The following NELL2 variants were observed in gnomAD, a reference collection of about 807,000 sequenced individuals.
NELL2 encodes protein kinase C-binding protein NELL2.
In NELL2, 41 loss-of-function variants were observed where a neutral mutation model predicts 109.6. The observed-to-expected ratio is 0.37, with a 90% CI of 0.29 to 0.49. The LOEUF is 0.49. NELL2 is among the 20% of genes least tolerant of loss of function. The probability of loss-of-function intolerance (pLI) is 0.98; values close to 1 mark genes in which losing one functional copy is unlikely to be tolerated. For synonymous variants in NELL2, 355 were observed against 344.7 expected, an observed-to-expected ratio of 1.03 and a Z score of -0.33; for missense variants, 900 against 1,008.3, an observed-to-expected ratio of 0.89 and a Z score of 1.45.
At chr12:44,803,543 TGTTATG>T (rs1211138005) in intron 3 of NELL2, among the ~76,000 whole-genome samples, 2 of 152,136 alleles carry the variant, frequency 1.3e-5, no homozygotes, top group African/African-American at 4.8e-5. Flanking sequence ...TTCGGGAATC[TGTTATG>T]GTGAAGTTCT....
intron 15 of NELL2, among the ~76,000 whole-genome samples, chr12:44,590,453 C>T (rs1944703519): frequency 6.6e-6 from 1 of 152,098 alleles, no homozygotes; most frequent in Non-Finnish European, 1.5e-5. Flanking sequence ...TTATATCCTG[C>T]TGAAGGTAAT....
upstream of NELL2, among the ~76,000 whole-genome samples, chr12:44,879,142 C>T (rs1375222476): frequency 1.3e-5 from 2 of 151,992 alleles, no homozygotes; most frequent in Non-Finnish European, 2.9e-5. Context: ...TATAGAAGGG[C>T]TATGAGACAA....
At chr12:44,530,296 T>C (rs1358898400) in intron 16 of NELL2, among the ~76,000 whole-genome samples, 1 of 151,932 alleles carries the variant, frequency 6.6e-6, no homozygotes, top group Admixed American at 6.6e-5. Context: ...TGACAGAGAA[T>C]AAAAAGAAAG....
chr12:44,796,564 G>A (rs1026335322), intron 3 of NELL2, among the ~76,000 whole-genome samples: 7 of 151,830 alleles, frequency 4.6e-5, no homozygotes, highest in South Asian at 2.1e-4. Context: ...CAATAAACAA[G>A]GCCAAACAAC....
chr12:44,599,042 T>C (rs10880655), intron 15 of NELL2, among the ~76,000 whole-genome samples: 95,463 of 151,982 alleles, frequency 0.63, 31,905 homozygotes, highest in African/African-American at 0.88. Flanking sequence ...TTTATATAAT[T>C]TGTGTGGCAT....
At chr12:44,818,129 A>G (rs1413376055) in intron 2 of NELL2, among the ~76,000 whole-genome samples, 2 of 152,226 alleles carry the variant, frequency 1.3e-5, no homozygotes, top group Admixed American at 6.5e-5. Flanking sequence ...AGGCTCTATT[A>G]CAGATAAGAC....
At chr12:44,857,722 G>C (rs1339216896) in intron 2 of NELL2, among the ~76,000 whole-genome samples, 2 of 152,202 alleles carry the variant, frequency 1.3e-5, no homozygotes, top group African/African-American at 4.8e-5. Flanking sequence ...GCTATGCCCT[G>C]AATCTTCCTT....
upstream of NELL2, chr12:44,876,756 C>T (rs762288688): frequency 2.0e-6 from 3 of 1,495,224 alleles, no homozygotes; most frequent in Non-Finnish European, 1.8e-6. Flanking sequence ...CCGGAGCAGC[C>T]CCGGGGTGCA....
chr12:44,510,766 T>C (rs1417444499), intron 19 of NELL2, among the ~76,000 whole-genome samples: 5 of 152,170 alleles, frequency 3.3e-5, no homozygotes, highest in African/African-American at 9.6e-5. Context: ...AACTGTTCGA[T>C]TGAGACTTGT....
intron 15 of NELL2, among the ~76,000 whole-genome samples, chr12:44,595,655 A>G (rs1346363548): frequency 7.0e-6 from 1 of 142,896 alleles, no homozygotes; most frequent in African/African-American, 2.6e-5. Flanking sequence ...GTTAGCCAGG[A>G]TGGTCTCGAT....
intron 9 of NELL2, among the ~76,000 whole-genome samples, chr12:44,754,385 C>A (rs1480277610): frequency 6.6e-6 from 1 of 152,116 alleles, no homozygotes; most frequent in Non-Finnish European, 1.5e-5. Context: ...GAGATATCAC[C>A]CTTTTGTTTC....
intron 1 of NELL2, among the ~76,000 whole-genome samples, chr12:44,881,428 T>C (rs1014082390): frequency 2.0e-5 from 3 of 151,746 alleles, no homozygotes; most frequent in Non-Finnish European, 2.9e-5. Context: ...ATAAAAGATA[T>C]AGAGAAGAAC....
chr12:44,539,009 T>C (rs939264510), intron 15 of NELL2, among the ~76,000 whole-genome samples: 1 of 152,222 alleles, frequency 6.6e-6, no homozygotes, highest in African/African-American at 2.4e-5. Flanking sequence ...CTCATCTATC[T>C]GTCCCATACT....
intron 15 of NELL2, among the ~76,000 whole-genome samples, chr12:44,599,681 T>C (rs1945121944): frequency 6.6e-6 from 1 of 152,144 alleles, no homozygotes; most frequent in Admixed American, 6.5e-5. Flanking sequence ...TTGAGTGGAT[T>C]CCAAAACGAT....
chr12:44,607,135 A>C (rs888372146), intron 15 of NELL2, 34 bp downstream of exon 15: 2 of 1,569,536 alleles, frequency 1.3e-6, no homozygotes, highest in African/African-American at 2.7e-5. Context: ...TGGCATAAAA[A>C]TTCATTTTCT....
At chr12:44,638,524 A>G (rs1946731337) in intron 13 of NELL2, among the ~76,000 whole-genome samples, 1 of 152,164 alleles carries the variant, frequency 6.6e-6, no homozygotes, top group Non-Finnish European at 1.5e-5. Flanking sequence ...TGCAATTTCT[A>G]TCATACAAAC....
chr12:44,759,823 C>A (rs565123886), intron 9 of NELL2, among the ~76,000 whole-genome samples: 3 of 152,250 alleles, frequency 2.0e-5, no homozygotes, highest in African/African-American at 7.2e-5. Flanking sequence ...GTTTATTTCC[C>A]ACACCATATG....
At chr12:44,524,604 G>T (rs1406778876) in intron 16 of NELL2, among the ~76,000 whole-genome samples, 2 of 152,062 alleles carry the variant, frequency 1.3e-5, no homozygotes, top group Non-Finnish European at 1.5e-5. Context: ...GTAAAAACTT[G>T]GCAATTTTAA....
At chr12:44,675,751 G>C (rs567343409) in intron 12 of NELL2, among the ~76,000 whole-genome samples, 1 of 152,186 alleles carries the variant, frequency 6.6e-6, no homozygotes, top group African/African-American at 2.4e-5. Context: ...ATGTAAAATG[G>C]GAAAGGTTTT....
Sources: allele counts gnomAD v4.1 joint callset (sites outside exome capture counted in the v4.1 genomes callset), GRCh38; gene constraint gnomAD v4.1.1; transcripts MANE v1.5; gene names NCBI Gene and HGNC (gene_info 2026-07-23, HGNC 2026-07-21).